WDR27: variants seen among roughly 807,000 people sequenced by gnomAD.
The protein encoded by WDR27 is WD repeat-containing protein 27.
In WDR27, 100 loss-of-function variants were observed where a neutral mutation model predicts 114.4. That is an observed-to-expected ratio of 0.87 (90% CI 0.74 to 1.03). The LOEUF is 1.03. Among genes scored for constraint, WDR27 ranks in the 50% least tolerant of loss-of-function variants. WDR27 has a pLI of 0.00. For missense variants in WDR27, 1,129 were observed against 1,092.9 expected (o/e 1.03, Z -0.47); for synonymous variants, 449 against 423.1 (o/e 1.06, Z -0.75).
intron 24 of WDR27, among the ~76,000 whole-genome samples, chr6:169,582,156 G>C (rs1219307415): frequency 6.6e-6 from 1 of 152,110 alleles, no homozygotes; most frequent in Non-Finnish European, 1.5e-5. Context: ...GTATTTTTTA[G>C]TAGAGATGGC....
At chr6:169,437,290 A>AG in the WDR27 span, among the ~76,000 whole-genome samples, 56,689 of 152,058 alleles carry the variant, frequency 0.37, 13,301 homozygotes, top group Non-Finnish European at 0.53. Flanking sequence ...TATTGGTGTC[A>AG]GGGGTGCACT....
chr6:169,507,157 C>T (rs1792105178), intron 25 of WDR27, among the ~76,000 whole-genome samples: 2 of 152,222 alleles, frequency 1.3e-5, no homozygotes, highest in Admixed American at 1.3e-4. Context: ...GTGTTTCCAA[C>T]TTTGTTTCCT....
At chr6:169,486,265 G>A (rs1243503410) in intron 25 of WDR27, among the ~76,000 whole-genome samples, 1 of 151,848 alleles carries the variant, frequency 6.6e-6, no homozygotes, top group African/African-American at 2.4e-5. Flanking sequence ...TAGCCACTGT[G>A]GAAAGCAGTC....
chr6:169,454,633 C>T (rs900632516), downstream of WDR27, among the ~76,000 whole-genome samples: 3 of 152,240 alleles, frequency 2.0e-5, no homozygotes, highest in Non-Finnish European at 4.4e-5. Context: ...AGACCACCCC[C>T]CTTGGTGGCC....
rs1269038314 is a variant in WDR27, at chr6:169,503,822, C to T, written c.2646-46188G>A. 2.0e-5 allele frequency among the ~76,000 whole-genome samples: 3 copies of T among 151,608 alleles called. No individual in the cohort carries two copies. In the South Asian group the frequency reaches 6.3e-4, roughly 32 times the overall value. On this transcript the variant is annotated intron_variant, in intron 25 of 25. Transcript: ENST00000448612. ...CCTATATCAATCTAGCATGCCACTT[C>T]CATAAGATTTCAGCCAAAAAACACA...
At chr6:169,490,001 A>C (rs1789538809) in intron 25 of WDR27, among the ~76,000 whole-genome samples, 1 of 152,194 alleles carries the variant, frequency 6.6e-6, no homozygotes, top group African/African-American at 2.4e-5. Context: ...ACTGGGTTGG[A>C]GACAAAGAAG....
chr6:169,682,685 A>G (rs887740315), intron 2 of WDR27, among the ~76,000 whole-genome samples: 5 of 152,214 alleles, frequency 3.3e-5, no homozygotes, highest in Non-Finnish European at 5.9e-5. Flanking sequence ...GTCCACAAGC[A>G]TCAGCAATGC....
At chr6:169,612,382 T>C (rs1251453006) in intron 22 of WDR27, among the ~76,000 whole-genome samples, 2 of 152,156 alleles carry the variant, frequency 1.3e-5, no homozygotes, top group Admixed American at 1.3e-4. Flanking sequence ...ATCGCGCCAC[T>C]GCACTCCAGC....
intron 1 of WDR27, among the ~76,000 whole-genome samples, chr6:169,692,931 T>C (rs978376146): frequency 6.6e-6 from 1 of 152,116 alleles, no homozygotes; most frequent in Non-Finnish European, 1.5e-5. Flanking sequence ...ATGCCTCCCC[T>C]CGCCAACTTA....
intron 2 of WDR27, among the ~76,000 whole-genome samples, chr6:169,686,165 T>C (rs1782895056): frequency 6.6e-6 from 1 of 152,178 alleles, no homozygotes; most frequent in South Asian, 2.1e-4. Context: ...TCATCACCAC[T>C]AGACTGGTCT....
At chr6:169,463,561 T>A (rs1026712754) in intron 25 of WDR27, among the ~76,000 whole-genome samples, 4 of 152,144 alleles carry the variant, frequency 2.6e-5, no homozygotes, top group African/African-American at 4.8e-5. Flanking sequence ...GCATGCAAAA[T>A]AAATTAAAAG....
At chr6:169,534,210 A>G (rs1795961549) in intron 25 of WDR27, among the ~76,000 whole-genome samples, 1 of 152,236 alleles carries the variant, frequency 6.6e-6, no homozygotes, top group South Asian at 2.1e-4. Flanking sequence ...GCATTTGTTA[A>G]ACCAACCTTG....
At chr6:169,627,876 G>A (rs985690870) in intron 21 of WDR27, among the ~76,000 whole-genome samples, 3 of 152,156 alleles carry the variant, frequency 2.0e-5, no homozygotes, top group Admixed American at 1.3e-4. Flanking sequence ...CTCATCCATC[G>A]AATGTCCTCG....
intron 9 of WDR27, 77 bp downstream of exon 9, chr6:169,662,226 AG>A: frequency 6.6e-7 from 1 of 1,522,038 alleles, no homozygotes; most frequent in Non-Finnish European, 9.0e-7. Context: ...AGTCATTCTT[AG>A]AAAATGAACC....
chr6:169,575,668 G>A (rs1258080057), intron 24 of WDR27, among the ~76,000 whole-genome samples: 1 of 152,168 alleles, frequency 6.6e-6, no homozygotes, highest in Non-Finnish European at 1.5e-5. Flanking sequence ...ATATGCCTGG[G>A]CTGGAACTTA....
chr6:169,654,799 C>CGCGCTCAGGAGGAGGAGGG (rs1159619323), intron 13 of WDR27, among the ~76,000 whole-genome samples: 3 of 151,790 alleles, frequency 2.0e-5, no homozygotes, highest in Admixed American at 6.6e-5. Flanking sequence ...GAGACGGAGG[C>CGCGCTCAGGAGGAGGAGGG]GCGCTCAGGA....
intron 23 of WDR27, among the ~76,000 whole-genome samples, chr6:169,584,869 A>G (rs1368355165): frequency 1.3e-5 from 2 of 152,210 alleles, no homozygotes; most frequent in Admixed American, 6.5e-5. Context: ...TTTTTCACTT[A>G]AGAAAAATAA....
chr6:169,664,221 C>T lies in WDR27; in HGVS notation c.849G>A (p.Lys283=). 6.2e-7 allele frequency: 1 copy of T among 1,613,242 alleles called. No individual in the cohort carries two copies. Residue 283 remains lysine (K), a synonymous_variant, in exon 8 of 26, where the codon AAG becomes AAA. Coordinates refer to ENST00000448612, the MANE Select transcript of WDR27 (RefSeq NM_182552.5). ...TTCTTGTGGAGAAAGTCTCTGTCTT[C>T]TTCCTTAGGTCAACCCGTGCCACAC... The part of the protein sequence containing the change: ...YRRVARVDLR[K]KTETFSTRRV...
intron 25 of WDR27, among the ~76,000 whole-genome samples, chr6:169,462,901 A>C (rs1343807732): frequency 3.3e-5 from 5 of 152,368 alleles, no homozygotes; most frequent in African/African-American, 1.2e-4. Flanking sequence ...AGCATTTGAC[A>C]AATTCAACAC....
Sources: allele counts gnomAD v4.1 joint callset (sites outside exome capture counted in the v4.1 genomes callset), GRCh38; gene constraint gnomAD v4.1.1; transcripts MANE v1.5; gene names NCBI Gene and HGNC (gene_info 2026-07-23, HGNC 2026-07-21).